Variants in STXBP5 observed in about 807,000 individuals in gnomAD.
STXBP5 encodes the protein syntaxin-binding protein 5.
Under a neutral mutation model 152.4 loss-of-function variants are expected in STXBP5, and 50 were observed. That is an observed-to-expected ratio of 0.33 (90% CI 0.26 to 0.42). The LOEUF (loss-of-function observed/expected upper bound fraction) is 0.42. Among genes scored for constraint, STXBP5 ranks in the 10% least tolerant of loss-of-function variants. The pLI is 1.00. For missense variants in STXBP5, 1,167 were observed against 1,388.6 expected, an observed-to-expected ratio of 0.84 and a Z score of 2.54; for synonymous variants, 492 against 494.7, an observed-to-expected ratio of 0.99 and a Z score of 0.07.
intron 27 of STXBP5, among the ~76,000 whole-genome samples, chr6:147,384,010 A>G (rs1016443554): frequency 6.6e-6 from 1 of 152,116 alleles, no homozygotes; most frequent in African/African-American, 2.4e-5. Flanking sequence ...TCTCTACAGC[A>G]TGTAGCATTT....
intron 4 of STXBP5, among the ~76,000 whole-genome samples, chr6:147,258,694 A>G (rs113701516): frequency 0.047 from 7,186 of 152,284 alleles, 486 homozygotes; most frequent in East Asian, 0.28. Flanking sequence ...TGGCCTCCCA[A>G]AGTGCTGGGA....
At chr6:147,279,822 G>A (rs959493475) in intron 8 of STXBP5, among the ~76,000 whole-genome samples, 9 of 152,124 alleles carry the variant, frequency 5.9e-5, no homozygotes, top group Admixed American at 2.0e-4. Context: ...TGGAACCTAC[G>A]AATTCAGATA....
chr6:147,288,861 G>C (rs748176549), intron 8 of STXBP5, among the ~76,000 whole-genome samples: 1 of 152,190 alleles, frequency 6.6e-6, no homozygotes, highest in Non-Finnish European at 1.5e-5. Context: ...CTGACCCTAG[G>C]ACTTCATAGG....
chr6:147,266,974 A>G, intron 6 of STXBP5, 110 bp from the exon 7 acceptor site: 1 of 874,618 alleles, frequency 1.1e-6, no homozygotes. Context: ...TTTATATTAT[A>G]CATTTATACT....
chr6:147,267,174 T>C lies in STXBP5; in HGVS notation c.714+7T>C. 6.3e-7 allele frequency: 1 copy of C among 1,584,922 alleles called. No homozygotes were observed. The highest frequency in any genetic ancestry group is 8.5e-7 in the Non-Finnish European group (1 of 1,170,528). On this transcript the variant is annotated splice_region_variant and intron_variant, in intron 7 of 27. Transcript: ENST00000321680. Reference sequence around the variant, plus strand: ...CAGATACACATATGATGAGGTAATATTATTTTTGCTAGTAAAAGCTATGGT... The same window carrying C: ...CAGATACACATATGATGAGGTAATACTATTTTTGCTAGTAAAAGCTATGGT...
intron 26 of STXBP5, among the ~76,000 whole-genome samples, chr6:147,381,392 G>A (rs1583019764): frequency 1.3e-5 from 2 of 152,102 alleles, no homozygotes; most frequent in Non-Finnish European, 2.9e-5. Context: ...ACAAATGTTG[G>A]CAAGGATGTG....
At chr6:147,362,504 C>A (rs891891926) in intron 23 of STXBP5, among the ~76,000 whole-genome samples, 10 of 152,002 alleles carry the variant, frequency 6.6e-5, no homozygotes, top group African/African-American at 2.4e-4. Context: ...AAAAATGTAA[C>A]CCCTACATTA....
intron 18 of STXBP5, among the ~76,000 whole-genome samples, chr6:147,328,063 A>G (rs1263074608): frequency 1.3e-5 from 2 of 152,208 alleles, no homozygotes; most frequent in Non-Finnish European, 2.9e-5. Flanking sequence ...TTCTCTTTAT[A>G]GAGTTCTTTT....
chr6:147,327,339 G>T, intron 18 of STXBP5, 63 bp downstream of exon 18: 1 of 1,543,834 alleles, frequency 6.5e-7, no homozygotes, highest in Non-Finnish European at 8.7e-7. Context: ...GCTTACTTTT[G>T]TGAATATAAG....
intron 21 of STXBP5, among the ~76,000 whole-genome samples, chr6:147,346,723 G>C (rs1029045200): frequency 3.9e-5 from 6 of 151,998 alleles, no homozygotes; most frequent in Non-Finnish European, 8.8e-5. Flanking sequence ...GTGGGTGACA[G>C]GGTGAGTCTC....
At chr6:147,358,438 G>A (rs968469177) in intron 22 of STXBP5, among the ~76,000 whole-genome samples, 3 of 152,156 alleles carry the variant, frequency 2.0e-5, no homozygotes, top group Non-Finnish European at 4.4e-5. Context: ...GAGGCACCCG[G>A]TTCAGTTCTG....
chr6:147,363,882 A>C, intron 24 of STXBP5, 119 bp from the exon 25 acceptor site: 1 of 1,360,732 alleles, frequency 7.3e-7, no homozygotes, highest in Non-Finnish European at 1.0e-6. Flanking sequence ...TTTATCTCCC[A>C]CTCAAGTATA....
At chr6:147,321,673 A>C (rs958027402) in intron 16 of STXBP5, among the ~76,000 whole-genome samples, 9 of 152,342 alleles carry the variant, frequency 5.9e-5, no homozygotes, top group Admixed American at 5.9e-4. Context: ...TTTGCAAGGT[A>C]CTTGCTCAAA....
chr6:147,313,010 T>C (rs1782461436), intron 11 of STXBP5, among the ~76,000 whole-genome samples: 1 of 152,130 alleles, frequency 6.6e-6, no homozygotes, highest in Non-Finnish European at 1.5e-5. Context: ...GCTAAGGAAA[T>C]AATGTGTGTT....
Position 147,363,702 on chromosome 6 carries a change from T to C in STXBP5, c.2913T>C (p.Phe971=). 1 of 1,604,788 alleles carries C rather than the reference T, an allele frequency of 6.2e-7. No individual in the cohort carries two copies. Among genetic ancestry groups the C allele is most frequent in the Non-Finnish European group, 8.5e-7 (1 of 1,176,364 alleles). The change falls in exon 24 of 28, where the codon TTT becomes TTC. Residue 971 remains phenylalanine, a splice_region_variant and synonymous_variant. Coordinates refer to ENST00000321680, the MANE Select transcript of STXBP5 (RefSeq NM_001127715.4). ...CFCANGHIMT[F]SLPSLRPLLD... ...GTGCCAATGGACATATAATGACTTTTAGGTAAGAGTTAGATATGTTTTAAA... is the reference window on the plus strand; with the variant it reads ...GTGCCAATGGACATATAATGACTTTCAGGTAAGAGTTAGATATGTTTTAAA...
At chr6:147,270,790 T>G (rs1193406564) in intron 7 of STXBP5, among the ~76,000 whole-genome samples, 1 of 152,160 alleles carries the variant, frequency 6.6e-6, no homozygotes, top group African/African-American at 2.4e-5. Flanking sequence ...AATAAAAATG[T>G]AGGATTTTTG....
intron 2 of STXBP5, among the ~76,000 whole-genome samples, chr6:147,214,862 TA>T (rs147430201): frequency 0.063 from 9,532 of 152,218 alleles, 414 homozygotes; most frequent in African/African-American, 0.12. Flanking sequence ...GTCCGGAAAT[TA>T]AGACAGTAGG....
chr6:147,382,468 A>T (rs927677443), intron 26 of STXBP5, among the ~76,000 whole-genome samples: 6 of 152,118 alleles, frequency 3.9e-5, no homozygotes, highest in African/African-American at 1.4e-4. Context: ...TTTTGCCATT[A>T]TGTAATTGGT....
Position 147,319,918 on chromosome 6 carries a change from T to C in STXBP5, c.1802+3511T>C, listed in dbSNP as rs1782834327. ...GTACAGTGGTGTGATCACAGCTCACTGCAGCCACGACCTCCTGGGCTCAAT... is the reference window on the plus strand; with the variant it reads ...GTACAGTGGTGTGATCACAGCTCACCGCAGCCACGACCTCCTGGGCTCAAT... On this transcript the variant is annotated intron_variant, in intron 16 of 27. Coordinates refer to ENST00000321680, the MANE Select transcript of STXBP5 (RefSeq NM_001127715.4). Among the ~76,000 whole-genome samples the C allele has an allele frequency of 3.5e-5, 5 of 143,830 alleles. No homozygotes were observed. In the South Asian group the frequency reaches 1.2e-3, roughly 33 times the overall value. The allele number at this position is 143,830 out of a possible 152,430, so 94.4% of individuals were successfully genotyped here. A position where few individuals can be genotyped will look rare whatever the true frequency, so the allele number is the denominator to read the frequency against.
Sources: gnomAD v4.1 joint callset for allele counts (sites outside exome capture counted in the v4.1 genomes callset) on GRCh38, gnomAD v4.1.1 for gene constraint, MANE v1.5 for transcripts, NCBI Gene and HGNC (gene_info 2026-07-23, HGNC 2026-07-21) for gene names.